Variants in FBXO30 observed in about 807,000 individuals in gnomAD.
FBXO30 encodes the protein F-box only protein 30.
FBXO30 carries 21 observed loss-of-function variants against 58.1 expected under a neutral mutation model. That is an observed-to-expected ratio of 0.36 (90% CI 0.26 to 0.52). The LOEUF is 0.52. Among genes scored for constraint, FBXO30 ranks in the 20% least tolerant of loss-of-function variants. The probability of loss-of-function intolerance (pLI) is 0.93; values close to 1 mark genes in which losing one functional copy is unlikely to be tolerated. For synonymous variants in FBXO30, 309 were observed against 312.4 expected (o/e 0.99, Z 0.11); for missense variants, 744 against 897.3 (o/e 0.83, Z 2.18).
Position 145,805,648 on chromosome 6 carries a change from T to C in FBXO30, c.758A>G (p.Asn253Ser), listed in dbSNP as rs762014008. The change falls in exon 2 of 3, where the codon AAT (asparagine) becomes AGT (serine). Residue 253 changes from asparagine (N) to serine (S), a missense_variant. Physicochemically the swap from Asn to Ser is conservative, Grantham distance 46. Coordinates refer to ENST00000237281, the MANE Select transcript of FBXO30 (RefSeq NM_032145.5). ...EIGAVGGIDYNDTNQNAQSEQ... is the reference protein window; with the variant it reads ...EIGAVGGIDYSDTNQNAQSEQ... The stretch of plus-strand genomic sequence containing the variant: ...AGACTGGGCATTCTGATTTGTGTCA[T>C]TGTAGTCAATTCCACCTACTGCTCC... 3.7e-6 allele frequency: 6 copies of C among 1,614,116 alleles called. No homozygotes were observed. Among genetic ancestry groups the C allele is most frequent in the South Asian group, 1.1e-5 (1 of 91,086 alleles).
Position 145,805,100 on chromosome 6 carries a change from C to A in FBXO30, c.1306G>T (p.Asp436Tyr), listed in dbSNP as rs749193729. ...ITAALLFCLG[D>Y]SPGGRGISDS... is the part of the protein sequence containing the mutation. ...GATATACCCCTCCCTCCTGGAGAAT[C>A]TCCTAGACAAAAAAGCAATGCTGCT... Residue 436 changes from aspartate (D) to tyrosine (Y), a missense_variant, in exon 2 of 3, where the codon GAT becomes TAT. Physicochemically the swap from Asp to Tyr is radical, Grantham distance 160. This residue lies in a region of FBXO30 where 334 missense variants were observed against 433.7 expected (regional missense o/e 0.77). Transcript: ENST00000237281. 16 of 1,614,066 alleles carry A rather than the reference C, an allele frequency of 9.9e-6. No individual in the cohort carries two copies. In the East Asian group the frequency reaches 2.9e-4, roughly 29 times the overall value.
chr6:145,797,377 A>C lies in FBXO30; in HGVS notation c.*2729T>G, dbSNP rs183065424. On this transcript the variant is annotated 3_prime_UTR_variant, in exon 3 of 3. Coordinates refer to ENST00000237281, the MANE Select transcript of FBXO30 (RefSeq NM_032145.5). ...TTTGGATTACACATATATTTATACA[A>C]ACACACACAGGTACACACATATATC... The C allele has an allele frequency of 1.3e-5, 2 of 152,100 alleles. No homozygotes were observed. The highest frequency in any genetic ancestry group is 1.9e-4 in the East Asian group (1 of 5,174). The allele number at this position is 152,100 out of a possible 1,614,324, so 9.4% of individuals were successfully genotyped here.
Position 145,812,902 on chromosome 6 carries a change from T to C in FBXO30, c.-17+1701A>G, listed in dbSNP as rs139216594. On this transcript the variant is annotated intron_variant, in intron 1 of 2. Transcript: ENST00000237281. ...TATACAGCCTTTGACTCAATTGTTTTATGTCAAAAAATTCTACAAATACAA... is the reference window on the plus strand; with the variant it reads ...TATACAGCCTTTGACTCAATTGTTTCATGTCAAAAAATTCTACAAATACAA... 4.7e-3 allele frequency among the ~76,000 whole-genome samples: 709 copies of C among 152,288 alleles called. 6 individuals carry two copies. Among genetic ancestry groups the C allele is most frequent in the African/African-American group, 0.015 (620 of 41,570 alleles).
chr6:145,800,135 G>C lies in FBXO30; in HGVS notation c.2209C>G (p.Leu737Val). 6.2e-7 allele frequency: 1 copy of C among 1,612,814 alleles called. No individual in the cohort carries two copies. Among genetic ancestry groups the C allele is most frequent in the South Asian group, 1.1e-5 (1 of 91,064 alleles). ...AGTACAGGTTTTAAAACTGAGCGTAGTGAACGTCCTTCTTTAGTGAGTTCT... is the reference window on the plus strand; with the variant it reads ...AGTACAGGTTTTAAAACTGAGCGTACTGAACGTCCTTCTTTAGTGAGTTCT... ...TRELTKEGRS[L>V]RSVLKPVL The change falls in exon 3 of 3, where the codon CTA (leucine) becomes GTA (valine). Residue 737 changes from leucine to valine, a missense_variant. Physicochemically the swap from Leu to Val is conservative, Grantham distance 32. Around this residue, in one of 3 missense-constraint regions of FBXO30, gnomAD observed 334 missense variants for 433.7 expected, o/e 0.77. Coordinates refer to ENST00000237281, the MANE Select transcript of FBXO30 (RefSeq NM_032145.5).
chr6:145,801,253 A>G (rs1777987553), intron 2 of FBXO30, among the ~76,000 whole-genome samples: 1 of 152,126 alleles, frequency 6.6e-6, no homozygotes, highest in Non-Finnish European at 1.5e-5. Context: ...ATTAGGGAAC[A>G]ATTTACACAC....
At chr6:145,800,589 G>C (rs1190889069) in intron 2 of FBXO30, among the ~76,000 whole-genome samples, 2 of 151,982 alleles carry the variant, frequency 1.3e-5, no homozygotes, top group African/African-American at 4.8e-5. Context: ...CTTACTAAAT[G>C]ATTTTTAAAA....
chr6:145,800,091 G>C lies in FBXO30; in HGVS notation c.*15C>G, dbSNP rs1341650403. 4 of 1,595,254 alleles carry C rather than the reference G, an allele frequency of 2.5e-6. No individual in the cohort carries two copies. The highest frequency in any genetic ancestry group is 3.4e-6 in the Non-Finnish European group (4 of 1,163,918). Reference sequence around the variant, plus strand: ...ACTAGGTGCTTGCATATATGTGCTAGTAATATTACAACTTTTAAAGTACAG... The same window carrying C: ...ACTAGGTGCTTGCATATATGTGCTACTAATATTACAACTTTTAAAGTACAG... On this transcript the variant is annotated 3_prime_UTR_variant, in exon 3 of 3. Coordinates refer to ENST00000237281, the MANE Select transcript of FBXO30 (RefSeq NM_032145.5).
Position 145,805,696 on chromosome 6 carries a change from T to A in FBXO30, c.710A>T (p.Asp237Val). 1.2e-6 allele frequency: 2 copies of A among 1,614,096 alleles called. No homozygotes were observed. Among genetic ancestry groups the A allele is most frequent in the Non-Finnish European group, 1.7e-6 (2 of 1,179,990 alleles). ...SLEDQNLKDQ[D>V]HLYEEEIGAV... ...TCCTATTTCCTCCTCATAAAGATGA[T>A]CTTGGTCTTTCAAGTTTTGATCCTC... The change falls in exon 2 of 3, where the codon GAT becomes GTT. Residue 237 changes from aspartate to valine, a missense_variant. Around this residue, in one of 3 missense-constraint regions of FBXO30, gnomAD observed 275 missense variants for 262.0 expected, o/e 1.05. Transcript: ENST00000237281.
At position 145,804,717 on chromosome 6, in the gene FBXO30, G is replaced by C. The variant is rs759802658; in HGVS notation, c.1689C>G (p.Thr563=). ...ATGGACAAAATCTACGCTGAGAATA[G>C]GTACAACCATAGTAAGCTAAAGGGC... ...QRCPLAYYGC[T]YSQRRFCPSI... The change falls in exon 2 of 3, where the codon ACC becomes ACG. Residue 563 remains threonine, a synonymous_variant. Coordinates refer to ENST00000237281, the MANE Select transcript of FBXO30 (RefSeq NM_032145.5). 6.2e-7 allele frequency: 1 copy of C among 1,613,912 alleles called. No homozygotes were observed. The highest frequency in any genetic ancestry group is 1.1e-5 in the South Asian group (1 of 91,074).
At chr6:145,804,254 T>G in intron 2 of FBXO30, 118 bp downstream of exon 2, 3 of 856,534 alleles carry the variant, frequency 3.5e-6, no homozygotes, top group South Asian at 3.8e-5. Context: ...GTCATCACAC[T>G]GATTTAGTAA....
At chr6:145,804,168 C>T (rs968095049) in intron 2 of FBXO30, among the ~76,000 whole-genome samples, 1 of 152,080 alleles carries the variant, frequency 6.6e-6, no homozygotes, top group African/African-American at 2.4e-5. Context: ...TCTAGGAAAT[C>T]AGTAGTAAAC....
rs962833705 is a variant in FBXO30, at chr6:145,805,883, C to T, written c.523G>A (p.Asp175Asn). ...TAAAGTGCACCATAAGATTCTTCAT[C>T]AACAGACACTAAACCATTAGCATGT... ...IPHANGLVSV[D>N]EESYGALYQA... Residue 175 changes from aspartate to asparagine, a missense_variant, in exon 2 of 3, where the codon GAT (aspartate) becomes AAT (asparagine). Coordinates refer to ENST00000237281, the MANE Select transcript of FBXO30 (RefSeq NM_032145.5). 5 of 1,614,026 alleles carry T rather than the reference C, an allele frequency of 3.1e-6. No homozygotes were observed. The African/African-American group carries it at 5.3e-5, about 17-fold the overall frequency.
chr6:145,801,159 G>A (rs772422638), intron 2 of FBXO30, among the ~76,000 whole-genome samples: 47 of 152,086 alleles, frequency 3.1e-4, no homozygotes, highest in Non-Finnish European at 5.9e-4. Flanking sequence ...TGAATGCAGA[G>A]CAGGACAGAC....
rs1562558149 is a variant in FBXO30, at chr6:145,800,190, T to G, written c.2154A>C (p.Ala718=). The part of the protein sequence containing the change: ...SYNVVEKREE[A]IPLPCMCVTR... ...TCACACACATACATGGCAAAGGGAT[T>G]GCTTCCTCCCGTTTCTCGACAACAT... is the stretch of plus-strand genomic sequence containing the variant. Residue 718 remains alanine (A), a synonymous_variant, in exon 3 of 3, where the codon GCA becomes GCC. Transcript: ENST00000237281. 1 of 1,613,054 alleles carries G rather than the reference T, an allele frequency of 6.2e-7. No individual in the cohort carries two copies. Among genetic ancestry groups the G allele is most frequent in the Non-Finnish European group, 8.5e-7 (1 of 1,179,356 alleles).
chr6:145,801,522 A>C (rs1777998300), intron 2 of FBXO30, among the ~76,000 whole-genome samples: 1 of 152,012 alleles, frequency 6.6e-6, no homozygotes, highest in Non-Finnish European at 1.5e-5. Context: ...AAGAGATTGG[A>C]CACCCCTGCT....
At chr6:145,811,754 CTGTTCCAA>C (rs1778340159) in intron 1 of FBXO30, among the ~76,000 whole-genome samples, 1 of 152,224 alleles carries the variant, frequency 6.6e-6, no homozygotes, top group Admixed American at 6.5e-5. Flanking sequence ...CAGTAATATA[CTGTTCCAA>C]TGTAAGGCTG....
intron 1 of FBXO30, among the ~76,000 whole-genome samples, chr6:145,809,064 A>G (rs1019331488): frequency 5.9e-5 from 9 of 152,222 alleles, no homozygotes; most frequent in African/African-American, 2.2e-4. Flanking sequence ...CGCCAAACCT[A>G]TATTTTTTAA....
chr6:145,813,939 T>C (rs1037460043), intron 1 of FBXO30, among the ~76,000 whole-genome samples: 1 of 152,190 alleles, frequency 6.6e-6, no homozygotes, highest in African/African-American at 2.4e-5. Flanking sequence ...GTTAAAAACA[T>C]ACTGGCAGAT....
At chr6:145,808,143 T>G (rs1778232242) in intron 1 of FBXO30, among the ~76,000 whole-genome samples, 1 of 151,416 alleles carries the variant, frequency 6.6e-6, no homozygotes, top group Admixed American at 6.6e-5. Context: ...CAAAAAATAA[T>G]AATAATAATT....
Sources: gnomAD v4.1 joint callset for allele counts (sites outside exome capture counted in the v4.1 genomes callset) on GRCh38, gnomAD v4.1.1 for gene constraint, gnomAD v4.1.1 regional missense constraint, MANE v1.5 for transcripts, NCBI Gene and HGNC (gene_info 2026-07-23, HGNC 2026-07-21) for gene names.